The following PCED1B variants were observed in gnomAD, a reference collection of about 807,000 sequenced individuals.
PCED1B encodes the protein PC-esterase domain-containing protein 1B.
For missense variants in PCED1B, 573 were observed against 573.9 expected (o/e 1.00, Z 0.02); for synonymous variants, 251 against 246.1 (o/e 1.02, Z -0.19).
At chr12:47,227,334 C>A (rs2137872543) in intron 3 of PCED1B, among the ~76,000 whole-genome samples, 1 of 151,976 alleles carries the variant, frequency 6.6e-6, no homozygotes, top group East Asian at 2.0e-4. Flanking sequence ...ATGATGCCCA[C>A]ATAATTTTTG....
intron 2 of PCED1B, among the ~76,000 whole-genome samples, chr12:47,137,737 A>G (rs1177031827): frequency 7.2e-6 from 1 of 138,582 alleles, no homozygotes; most frequent in East Asian, 2.0e-4. Context: ...GTCTAAAAAA[A>G]AAAAAAGAAA....
intron 2 of PCED1B, among the ~76,000 whole-genome samples, chr12:47,117,809 C>T (rs553976902): frequency 1.5e-3 from 222 of 152,320 alleles, no homozygotes; most frequent in Non-Finnish European, 2.6e-3. Flanking sequence ...CTTATAGTCC[C>T]ACCAACAGTG....
intron 2 of PCED1B, among the ~76,000 whole-genome samples, chr12:47,112,779 C>A (rs1939254468): frequency 6.6e-6 from 1 of 152,218 alleles, no homozygotes; most frequent in Admixed American, 6.5e-5. Flanking sequence ...CTCTTCAATT[C>A]TTCCCTGGGC....
At chr12:47,194,099 C>T (rs916132585) in intron 2 of PCED1B, among the ~76,000 whole-genome samples, 13 of 152,176 alleles carry the variant, frequency 8.5e-5, no homozygotes, top group African/African-American at 2.9e-4. Flanking sequence ...CCCTTTGCAG[C>T]CAGCATTTTT....
intron 3 of PCED1B, among the ~76,000 whole-genome samples, chr12:47,222,104 TAAAAAAAAAATTAAA>T (rs1357073346): frequency 2.4e-5 from 2 of 83,978 alleles, no homozygotes; most frequent in East Asian, 8.2e-4. Context: ...CTCTATCTCT[TAAAAAAAAAATTAAA>T]AAAAAAAAAA....
chr12:47,159,291 T>C (rs1028815729), intron 2 of PCED1B, among the ~76,000 whole-genome samples: 1 of 152,192 alleles, frequency 6.6e-6, no homozygotes, highest in Non-Finnish European at 1.5e-5. Flanking sequence ...ATGGTAGTTG[T>C]TCTATTTTTA....
In PCED1B at chr12:47,216,670, A is replaced by C. The variant is rs1016116141; in HGVS notation, c.-77A>C. On this transcript the variant is annotated 5_prime_UTR_variant, in exon 3 of 4. Transcript: ENST00000546455. ...AATCAACTGAGAGAGATGCTTAAAAATCACCAGTTACTTTAATGAGTAAGT... is the reference window on the plus strand; with the variant it reads ...AATCAACTGAGAGAGATGCTTAAAACTCACCAGTTACTTTAATGAGTAAGT... 1 of 152,198 alleles carries C rather than the reference A, an allele frequency of 6.6e-6. No homozygotes were observed. Among genetic ancestry groups the C allele is most frequent in the Non-Finnish European group, 1.5e-5 (1 of 68,042 alleles). 9.4% of individuals were successfully genotyped at this position (152,198 alleles called of 1,614,324 possible). A position where few individuals can be genotyped will look rare whatever the true frequency, so the allele number is the denominator to read the frequency against.
intron 3 of PCED1B, among the ~76,000 whole-genome samples, chr12:47,217,036 T>C (rs916053822): frequency 8.5e-5 from 13 of 152,184 alleles, no homozygotes; most frequent in Non-Finnish European, 1.8e-4. Flanking sequence ...CACTACTTCT[T>C]ATAAAATGGA....
intron 2 of PCED1B, among the ~76,000 whole-genome samples, chr12:47,181,058 C>T (rs1171129760): frequency 6.6e-6 from 1 of 151,640 alleles, no homozygotes; most frequent in African/African-American, 2.4e-5. Flanking sequence ...AATCATGGCT[C>T]ACTACAGCCT....
intron 2 of PCED1B, among the ~76,000 whole-genome samples, chr12:47,113,742 G>A (rs1232455014): frequency 1.3e-5 from 2 of 151,984 alleles, no homozygotes; most frequent in African/African-American, 4.8e-5. Context: ...GGGCACAGTG[G>A]CTCACGCCTG....
chr12:47,213,384 T>C (rs1187646637), intron 2 of PCED1B, among the ~76,000 whole-genome samples: 1 of 152,132 alleles, frequency 6.6e-6, no homozygotes, highest in Non-Finnish European at 1.5e-5. Flanking sequence ...CATAGTTTTG[T>C]GATTTGCCAA....
intron 2 of PCED1B, among the ~76,000 whole-genome samples, chr12:47,200,296 A>G (rs1280290388): frequency 6.6e-6 from 1 of 152,220 alleles, no homozygotes; most frequent in African/African-American, 2.4e-5. Context: ...CTGAATAGAC[A>G]CCGCACCAAA....
chr12:47,225,094 G>A (rs1344600273), intron 3 of PCED1B, among the ~76,000 whole-genome samples: 8 of 152,106 alleles, frequency 5.3e-5, no homozygotes, highest in African/African-American at 1.9e-4. Context: ...ACCATGCCCA[G>A]CTGATTTTTG....
At chr12:47,225,218 C>T (rs1008120551) in intron 3 of PCED1B, among the ~76,000 whole-genome samples, 2 of 152,176 alleles carry the variant, frequency 1.3e-5, no homozygotes, top group African/African-American at 4.8e-5. Context: ...AGAATTAAGC[C>T]ACTGCACCCA....
At chr12:47,219,860 A>G (rs925438975) in intron 3 of PCED1B, among the ~76,000 whole-genome samples, 1 of 152,126 alleles carries the variant, frequency 6.6e-6, no homozygotes, top group Non-Finnish European at 1.5e-5. Context: ...TTGGAGCCAT[A>G]CTTCTTCCTA....
chr12:47,102,464 C>T (rs1295369005), intron 1 of PCED1B, among the ~76,000 whole-genome samples: 1 of 152,150 alleles, frequency 6.6e-6, no homozygotes, highest in Non-Finnish European at 1.5e-5. Flanking sequence ...GTTTTCCCTG[C>T]AACATGATGT....
intron 2 of PCED1B, chr12:47,135,695 A>G: frequency 1.9e-6 from 1 of 528,590 alleles, no homozygotes; most frequent in Non-Finnish European, 3.8e-6. Flanking sequence ...GGCAGCAGGA[A>G]TTCTTGAAGA....
chr12:47,111,505 G>A (rs1053606546), intron 2 of PCED1B, among the ~76,000 whole-genome samples: 1 of 151,618 alleles, frequency 6.6e-6, no homozygotes, highest in Non-Finnish European at 1.5e-5. Flanking sequence ...ACTTTATTGT[G>A]CCACTGTCAC....
chr12:47,131,673 C>CTTTT (rs760678015), intron 2 of PCED1B, among the ~76,000 whole-genome samples: 4 of 128,004 alleles, frequency 3.1e-5, no homozygotes, highest in African/African-American at 7.2e-5. Context: ...TGTTTTACTT[C>CTTTT]TTTTTTTTTT....
Sources: gnomAD v4.1 joint callset for allele counts (sites outside exome capture counted in the v4.1 genomes callset) on GRCh38, gnomAD v4.1.1 for gene constraint, MANE v1.5 for transcripts, NCBI Gene and HGNC (gene_info 2026-07-23, HGNC 2026-07-21) for gene names.